Variants in PLCB1 observed in about 807,000 individuals in gnomAD.
The protein encoded by PLCB1 is 1-phosphatidylinositol 4,5-bisphosphate phosphodiesterase beta-1.
A neutral mutation model predicts 161.8 loss-of-function variants in PLCB1; 46 were observed. That is an observed-to-expected ratio of 0.28 (90% confidence interval 0.22 to 0.36). The LOEUF (loss-of-function observed/expected upper bound fraction) is 0.36. Among genes scored for constraint, PLCB1 ranks in the 10% least tolerant of loss-of-function variants. PLCB1 has a pLI of 1.00. For missense variants in PLCB1, 1,016 were observed against 1,472.5 expected, an observed-to-expected ratio of 0.69 and a Z score of 5.07; for synonymous variants, 517 against 503.7, an observed-to-expected ratio of 1.03 and a Z score of -0.35.
chr20:8,822,114 G>A lies in PLCB1; in HGVS notation c.3423+31853G>A, dbSNP rs915337055. Among the ~76,000 whole-genome samples, 8 of 149,988 alleles carry A rather than the reference G, an allele frequency of 5.3e-5. No individual in the cohort carries two copies. In the East Asian group the frequency reaches 5.8e-4, roughly 11 times the overall value. Reference sequence around the variant, plus strand: ...TGATTACTTGTTTATAACTTGTTTCGTCCCCACACAGGGGCCGCGTCTCTG... The same window carrying A: ...TGATTACTTGTTTATAACTTGTTTCATCCCCACACAGGGGCCGCGTCTCTG... On this transcript the variant is annotated intron_variant, in intron 31 of 31. Transcript: ENST00000338037.
intron 3 of PLCB1, among the ~76,000 whole-genome samples, chr20:8,391,356 A>C (rs1007797962): frequency 1.3e-5 from 2 of 152,186 alleles, no homozygotes; most frequent in Non-Finnish European, 2.9e-5. Flanking sequence ...TACAGTTCTT[A>C]TTTAGAAAAC....
chr20:8,877,135 A>G (rs1182748088), intron 31 of PLCB1, among the ~76,000 whole-genome samples: 5 of 152,304 alleles, frequency 3.3e-5, no homozygotes, highest in East Asian at 3.9e-4. Flanking sequence ...TTCAACACAT[A>G]TTAGAGTACA....
At chr20:8,689,352 T>C (rs1990423637) in intron 10 of PLCB1, among the ~76,000 whole-genome samples, 1 of 152,154 alleles carries the variant, frequency 6.6e-6, no homozygotes, top group Non-Finnish European at 1.5e-5. Flanking sequence ...TCTTGTCTGA[T>C]TGCTCTGGCC....
At chr20:8,582,066 C>G (rs1986850934) in intron 3 of PLCB1, among the ~76,000 whole-genome samples, 1 of 152,192 alleles carries the variant, frequency 6.6e-6, no homozygotes, top group Non-Finnish European at 1.5e-5. Flanking sequence ...GAGCTTCTCT[C>G]CCCTATCCCC....
chr20:8,586,407 C>T (rs1986994788), intron 3 of PLCB1, among the ~76,000 whole-genome samples: 1 of 151,656 alleles, frequency 6.6e-6, no homozygotes, highest in African/African-American at 2.4e-5. Flanking sequence ...GTCACCGACT[C>T]TAGCCTTTGG....
chr20:8,409,929 C>T (rs951499426), intron 3 of PLCB1, among the ~76,000 whole-genome samples: 6 of 152,208 alleles, frequency 3.9e-5, no homozygotes, highest in East Asian at 1.9e-4. Flanking sequence ...TGATTTAATA[C>T]ACTTTTATTT....
At chr20:8,458,560 C>T (rs990110414) in intron 3 of PLCB1, among the ~76,000 whole-genome samples, 1 of 152,174 alleles carries the variant, frequency 6.6e-6, no homozygotes, top group Non-Finnish European at 1.5e-5. Context: ...ATTGCCCAGG[C>T]CTTCACTCTT....
At position 8,698,214 on chromosome 20, in the gene PLCB1, C is replaced by CGTTT. The variant is rs1990622755; in HGVS notation, c.1167+431_1167+432insGTTT. 2.0e-5 allele frequency among the ~76,000 whole-genome samples: 3 copies of CGTTT among 152,128 alleles called. No individual in the cohort carries two copies. In the South Asian group the frequency reaches 6.2e-4, roughly 32 times the overall value. ...TGAAACACTTCCATGTATCCATTCC[C>CGTTT]ATCAGAATGTCCCGTTTACCCTCAG... On this transcript the variant is annotated intron_variant, in intron 11 of 31. Coordinates refer to ENST00000338037, the MANE Select transcript of PLCB1 (RefSeq NM_015192.4).
intron 9 of PLCB1, among the ~76,000 whole-genome samples, chr20:8,680,439 C>A (rs1342919720): frequency 1.3e-5 from 2 of 152,170 alleles, no homozygotes; most frequent in Admixed American, 6.5e-5. Flanking sequence ...TGCTCTTTAT[C>A]TTTACATTTT....
chr20:8,462,157 A>G (rs1981608074), intron 3 of PLCB1, among the ~76,000 whole-genome samples: 2 of 152,178 alleles, frequency 1.3e-5, no homozygotes, highest in Non-Finnish European at 2.9e-5. Flanking sequence ...TACTTCAAGA[A>G]AATAAGAAAA....
intron 23 of PLCB1, among the ~76,000 whole-genome samples, chr20:8,755,460 T>A (rs1179352574): frequency 6.6e-6 from 1 of 152,190 alleles, no homozygotes; most frequent in African/African-American, 2.4e-5. Context: ...GCCAGGGACT[T>A]GGAAGGCAAT....
At chr20:8,340,514 C>T (rs1985762294) in intron 2 of PLCB1, among the ~76,000 whole-genome samples, 1 of 152,036 alleles carries the variant, frequency 6.6e-6, no homozygotes, top group Non-Finnish European at 1.5e-5. Flanking sequence ...GCTCCGCCTC[C>T]CGGGTTCACG....
At chr20:8,874,166 T>C (rs1011683577) in intron 31 of PLCB1, among the ~76,000 whole-genome samples, 2 of 151,888 alleles carry the variant, frequency 1.3e-5, no homozygotes, top group Non-Finnish European at 2.9e-5. Flanking sequence ...GGCATCATTC[T>C]GTACTACATA....
chr20:8,808,619 C>T (rs1568607756), intron 31 of PLCB1, among the ~76,000 whole-genome samples: 3 of 152,190 alleles, frequency 2.0e-5, no homozygotes. Flanking sequence ...ATTTACCTAG[C>T]ATCTGGTGAT....
chr20:8,146,274 G>A lies in PLCB1; in HGVS notation c.100-4020G>A, dbSNP rs576494535. On this transcript the variant is annotated intron_variant, in intron 1 of 31. Coordinates refer to ENST00000338037, the MANE Select transcript of PLCB1 (RefSeq NM_015192.4). Reference sequence around the variant, plus strand: ...AAGTTGAGAAGCACTGTTATAGAGTGCGTACTTGAAGGTTTAATTTCCAGT... The same window carrying A: ...AAGTTGAGAAGCACTGTTATAGAGTACGTACTTGAAGGTTTAATTTCCAGT... Among the ~76,000 whole-genome samples, 39 of 152,284 alleles carry A rather than the reference G, an allele frequency of 2.6e-4. 1 individual carries two copies. In the South Asian group the frequency reaches 4.8e-3, roughly 19 times the overall value.
chr20:8,246,987 G>GC (rs1402216106), intron 2 of PLCB1, among the ~76,000 whole-genome samples: 1 of 151,824 alleles, frequency 6.6e-6, no homozygotes, highest in Non-Finnish European at 1.5e-5. Context: ...TTCCACAGCA[G>GC]CAGGTCTGTT....
At chr20:8,172,362 G>A (rs2051741760) in intron 2 of PLCB1, among the ~76,000 whole-genome samples, 1 of 152,084 alleles carries the variant, frequency 6.6e-6, no homozygotes, top group African/African-American at 2.4e-5. Flanking sequence ...CCATGTGGTT[G>A]GTTATCTGGA....
intron 2 of PLCB1, among the ~76,000 whole-genome samples, chr20:8,155,974 G>A (rs1412511827): frequency 6.6e-6 from 1 of 152,064 alleles, no homozygotes; most frequent in East Asian, 1.9e-4. Context: ...CAGCATCTGG[G>A]GACTAAGTCC....
intron 31 of PLCB1, among the ~76,000 whole-genome samples, chr20:8,874,923 A>G (rs981853652): frequency 6.6e-5 from 10 of 151,958 alleles, no homozygotes; most frequent in Non-Finnish European, 1.3e-4. Context: ...TTGTCAAATT[A>G]TTGCCCAATG....
Sources: allele counts gnomAD v4.1 joint callset (sites outside exome capture counted in the v4.1 genomes callset), GRCh38; gene constraint gnomAD v4.1.1; transcripts MANE v1.5; gene names NCBI Gene and HGNC (gene_info 2026-07-23, HGNC 2026-07-21).